The following MYO3B variants were observed in gnomAD, a reference collection of about 807,000 sequenced individuals.
MYO3B encodes the protein myosin-IIIb.
In MYO3B, 156 loss-of-function variants were observed where a neutral mutation model predicts 174.6. The observed-to-expected ratio is 0.89, with a 90% CI of 0.78 to 1.02. The LOEUF is 1.02. Among genes scored for constraint, MYO3B ranks in the 50% least tolerant of loss-of-function variants. The probability of loss-of-function intolerance (pLI) is 0.00; values close to 1 mark genes in which losing one functional copy is unlikely to be tolerated. For missense variants in MYO3B, 1,632 were observed against 1,639.4 expected, an observed-to-expected ratio of 1.00 and a Z score of 0.08; for synonymous variants, 563 against 569.1, an observed-to-expected ratio of 0.99 and a Z score of 0.15.
intron 32 of MYO3B, among the ~76,000 whole-genome samples, chr2:170,581,737 C>A (rs10515936): frequency 6.6e-6 from 1 of 152,040 alleles, no homozygotes; most frequent in African/African-American, 2.4e-5. Flanking sequence ...TCTTGCTCAA[C>A]CCTCACAATT....
At chr2:170,542,841 C>T in intron 30 of MYO3B, 65 bp from the exon 31 acceptor site, 2 of 1,227,922 alleles carry the variant, frequency 1.6e-6, no homozygotes, top group Non-Finnish European at 2.3e-6. Flanking sequence ...AAAAACAGTC[C>T]TCTCTAAGTT....
At chr2:170,502,366 T>A (rs1393665477) in intron 28 of MYO3B, among the ~76,000 whole-genome samples, 1 of 152,220 alleles carries the variant, frequency 6.6e-6, no homozygotes, top group Non-Finnish European at 1.5e-5. Context: ...GACCTGTTTC[T>A]TAGCATCACA....
chr2:170,525,360 A>G lies in MYO3B; in HGVS notation c.3575+5820A>G, dbSNP rs186781428. Among the ~76,000 whole-genome samples, 136 of 152,340 alleles carry G rather than the reference A, an allele frequency of 8.9e-4. 1 individual carries two copies. The highest frequency in any genetic ancestry group is 3.1e-3 in the African/African-American group (129 of 41,576). Reference sequence around the variant, plus strand: ...TATGTTGTGGGGCTTTGTTCCCATGATGGTAATCCCCCATTTTAATGCTGA... The same window carrying G: ...TATGTTGTGGGGCTTTGTTCCCATGGTGGTAATCCCCCATTTTAATGCTGA... On this transcript the variant is annotated intron_variant, in intron 30 of 34. Transcript: ENST00000408978.
chr2:170,591,139 T>C (rs1693797575), intron 32 of MYO3B, among the ~76,000 whole-genome samples: 1 of 152,210 alleles, frequency 6.6e-6, no homozygotes, highest in Non-Finnish European at 1.5e-5. Context: ...GTGTAGGTAA[T>C]TTTTTCTTTA....
intron 25 of MYO3B, among the ~76,000 whole-genome samples, chr2:170,487,080 C>A (rs1317745015): frequency 2.6e-5 from 4 of 152,224 alleles, no homozygotes; most frequent in Non-Finnish European, 4.4e-5. Context: ...GAATCCACAT[C>A]TTTCATTGTA....
intron 7 of MYO3B, among the ~76,000 whole-genome samples, chr2:170,246,529 G>GACACACACACAC (rs58936698): frequency 1.1e-4 from 15 of 140,272 alleles, no homozygotes; most frequent in Non-Finnish European, 1.9e-4. Context: ...TTTGGACATG[G>GACACACACACAC]ACACACACAC....
chr2:170,505,435 A>G (rs1317738467), intron 28 of MYO3B, among the ~76,000 whole-genome samples: 1 of 152,228 alleles, frequency 6.6e-6, no homozygotes, highest in Non-Finnish European at 1.5e-5. Flanking sequence ...AAAAAATTGT[A>G]CATATTAGTG....
At chr2:170,214,350 C>G in intron 3 of MYO3B, 29 bp from the exon 4 acceptor site, 2 of 1,574,754 alleles carry the variant, frequency 1.3e-6, no homozygotes, top group South Asian at 1.1e-5. Context: ...GTCTCCTGCT[C>G]TCCCTGTGTC....
chr2:170,493,523 A>C (rs576235495), intron 25 of MYO3B, among the ~76,000 whole-genome samples: 7 of 152,132 alleles, frequency 4.6e-5, no homozygotes, highest in Non-Finnish European at 8.8e-5. Context: ...ACTAGATAGA[A>C]GACTTGATGA....
chr2:170,539,723 A>G (rs1181952331), intron 30 of MYO3B, among the ~76,000 whole-genome samples: 5 of 151,938 alleles, frequency 3.3e-5, no homozygotes, highest in Admixed American at 6.6e-5. Flanking sequence ...GGGCTCAGGT[A>G]ATGCTCCCAC....
chr2:170,311,793 T>C (rs980831403), intron 7 of MYO3B, among the ~76,000 whole-genome samples: 2 of 152,224 alleles, frequency 1.3e-5, no homozygotes, highest in African/African-American at 4.8e-5. Context: ...TTTGTTGTAA[T>C]GTGTGGGTCC....
At chr2:170,649,412 A>C (rs1307121947) in intron 32 of MYO3B, among the ~76,000 whole-genome samples, 2 of 78,258 alleles carry the variant, frequency 2.6e-5, no homozygotes, top group East Asian at 7.0e-4. Context: ...ATAAAATATT[A>C]CATATAAAAT....
chr2:170,387,520 G>T (rs2094385233), intron 14 of MYO3B, among the ~76,000 whole-genome samples: 1 of 152,094 alleles, frequency 6.6e-6, no homozygotes. Flanking sequence ...CGTGCTTTAG[G>T]GATGGGTATG....
At chr2:170,501,316 A>G (rs572086545) in intron 27 of MYO3B, among the ~76,000 whole-genome samples, 5 of 152,080 alleles carry the variant, frequency 3.3e-5, no homozygotes, top group Admixed American at 6.5e-5. Context: ...CATTTCCCTT[A>G]ACTCCGCTCT....
chr2:170,193,794 C>A (rs919010478), intron 1 of MYO3B, among the ~76,000 whole-genome samples: 4 of 152,002 alleles, frequency 2.6e-5, no homozygotes, highest in African/African-American at 9.7e-5. Context: ...TACATATTTT[C>A]TCCTTATTAA....
intron 32 of MYO3B, among the ~76,000 whole-genome samples, chr2:170,627,612 A>C (rs1696562128): frequency 6.6e-6 from 1 of 152,168 alleles, no homozygotes; most frequent in Non-Finnish European, 1.5e-5. Context: ...GTTCCTTTGG[A>C]AGAGGAGAGG....
chr2:170,425,802 G>C (rs2094656081), intron 22 of MYO3B, among the ~76,000 whole-genome samples: 1 of 152,188 alleles, frequency 6.6e-6, no homozygotes, highest in Admixed American at 6.5e-5. Flanking sequence ...GGAGCATCTT[G>C]ATAGGTTCTC....
At chr2:170,180,555 A>C (rs747065521) in intron 1 of MYO3B, among the ~76,000 whole-genome samples, 14 of 152,184 alleles carry the variant, frequency 9.2e-5, no homozygotes, top group Non-Finnish European at 1.8e-4. Flanking sequence ...GGGTCATAAT[A>C]GTCTCCTCTG....
intron 18 of MYO3B, among the ~76,000 whole-genome samples, chr2:170,402,057 A>G (rs1299422445): frequency 6.6e-6 from 1 of 152,228 alleles, no homozygotes; most frequent in Non-Finnish European, 1.5e-5. Flanking sequence ...AGGAGCCACT[A>G]AGTGTAGTAT....
Sources: gnomAD v4.1 joint callset for allele counts (sites outside exome capture counted in the v4.1 genomes callset) on GRCh38, gnomAD v4.1.1 for gene constraint, MANE v1.5 for transcripts, NCBI Gene and HGNC (gene_info 2026-07-23, HGNC 2026-07-21) for gene names.